ENG: variants seen among roughly 807,000 people sequenced by gnomAD.
The protein encoded by ENG is endoglin.
A neutral mutation model predicts 71.0 loss-of-function variants in ENG; 17 were observed. The observed-to-expected ratio is 0.24, with a 90% CI of 0.16 to 0.36. The LOEUF is 0.36. Ranked by LOEUF, ENG falls within the 10% of genes least tolerant of loss-of-function variation. The pLI, the probability that ENG is intolerant of heterozygous loss-of-function variation, is 1.00. For synonymous variants in ENG, 360 were observed against 366.9 expected (o/e 0.98, Z 0.21); for missense variants, 749 against 868.3 (o/e 0.86, Z 1.73).
intron 2 of ENG, 76 bp from the exon 3 acceptor site, chr9:127,829,903 G>C: frequency 3.1e-6 from 5 of 1,597,778 alleles, no homozygotes; most frequent in Non-Finnish European, 4.3e-6. Flanking sequence ...AGGCAGTGAT[G>C]ATTTGGATGC....
intron 2 of ENG, among the ~76,000 whole-genome samples, chr9:127,834,265 T>C (rs746946833): frequency 1.7e-4 from 25 of 150,548 alleles, no homozygotes; most frequent in African/African-American, 2.9e-4. Context: ...ATTTTTGAGA[T>C]GGAGTCTTGC....
Position 127,838,077 on chromosome 9 carries a change from C to T in ENG, c.219+5017G>A, listed in dbSNP as rs537037327. Among the ~76,000 whole-genome samples, 29 of 152,308 alleles carry T rather than the reference C, an allele frequency of 1.9e-4. No homozygotes were observed. The highest frequency in any genetic ancestry group is 3.3e-4 in the Admixed American group (5 of 15,306). ...GTGTCCACATGTGGACAGCTCAGCC[C>T]GGATACCCAAACTCCACCATGCCTG... On this transcript the variant is annotated intron_variant, in intron 2 of 14. Coordinates refer to ENST00000373203, the MANE Select transcript of ENG (RefSeq NM_001114753.3). The surrounding 1 kb of genome is among the most constrained non-coding windows in gnomAD (Gnocchi z 4.3).
At position 127,854,649 on chromosome 9, in the gene ENG, G is replaced by T. The variant is rs940148670; in HGVS notation, c.-294C>A. 1.0e-5 allele frequency: 5 copies of T among 489,874 alleles called. No homozygotes were observed. Among genetic ancestry groups the T allele is most frequent in the Non-Finnish European group, 1.8e-5 (5 of 278,474 alleles). The allele number at this position is 489,874 out of a possible 1,614,324, so 30.3% of individuals were successfully genotyped here. On this transcript the variant is annotated 5_prime_UTR_variant, in exon 1 of 15. Coordinates refer to ENST00000373203, the MANE Select transcript of ENG (RefSeq NM_001114753.3). Reference sequence around the variant, plus strand: ...TCCTGGCCCCAGGGCGCAGATGAAGGCTGTGGTATGACCGGCAGCAGGGAG... The same window carrying T: ...TCCTGGCCCCAGGGCGCAGATGAAGTCTGTGGTATGACCGGCAGCAGGGAG...
At chr9:127,839,621 A>T (rs1830980035) in intron 2 of ENG, among the ~76,000 whole-genome samples, 1 of 151,982 alleles carries the variant, frequency 6.6e-6, no homozygotes, top group African/African-American at 2.4e-5. Context: ...AGTGGTGCGA[A>T]CTCGGCTCAC....
At chr9:127,852,992 C>T (rs1829067281) in intron 1 of ENG, among the ~76,000 whole-genome samples, 1 of 152,082 alleles carries the variant, frequency 6.6e-6, no homozygotes, top group African/African-American at 2.4e-5. Flanking sequence ...CCGTCTTAGC[C>T]ATGTGAACTT....
chr9:127,825,654 C>T lies in ENG; in HGVS notation c.689+41G>A, dbSNP rs779556201. ...GGGGGGGGTCAGGGGGGTGGTCTCT[C>T]GGGGTGGGGACTAGTGTCAGGGGCG... On this transcript the variant is annotated intron_variant, in intron 5 of 14. Transcript: ENST00000373203. 1.9e-5 allele frequency: 22 copies of T among 1,161,970 alleles called. No individual in the cohort carries two copies. The East Asian group carries it at 2.2e-4, about 12-fold the overall frequency. 72.0% of individuals were successfully genotyped at this position (1,161,970 alleles called of 1,614,324 possible).
chr9:127,848,860 C>A (rs1448352462), intron 1 of ENG, among the ~76,000 whole-genome samples: 2 of 152,246 alleles, frequency 1.3e-5, no homozygotes, highest in Non-Finnish European at 2.9e-5. Flanking sequence ...TTCTAGATTT[C>A]TCTTCAAAGA....
rs972603389 is a variant in ENG at position 127,816,166 on chromosome 9, G to A, written c.1742-113C>T. 3.8e-6 allele frequency: 5 copies of A among 1,320,616 alleles called. No homozygotes were observed. In the African/African-American group the frequency reaches 4.4e-5, roughly 12 times the overall value. 81.8% of individuals were successfully genotyped at this position (1,320,616 alleles called of 1,614,324 possible). A position where few individuals can be genotyped will look rare whatever the true frequency, so the allele number is the denominator to read the frequency against. ...CAGCTCTGCTCAGCCATGGACCCTC[G>A]ACTTCTCTGAACCTCAGTCTCCTCT... is the stretch of plus-strand genomic sequence containing the variant. On this transcript the variant is annotated intron_variant, in intron 13 of 14. Transcript: ENST00000373203.
chr9:127,819,838 G>A, intron 9 of ENG, 62 bp downstream of exon 9: 2 of 1,613,730 alleles, frequency 1.2e-6, no homozygotes, highest in South Asian at 1.1e-5. Flanking sequence ...GGGGATCAGG[G>A]AGGGCACCTG....
chr9:127,831,541 C>T (rs1019996775), intron 2 of ENG, among the ~76,000 whole-genome samples: 2 of 151,964 alleles, frequency 1.3e-5, no homozygotes, highest in Non-Finnish European at 2.9e-5. Flanking sequence ...GCGCCCACTA[C>T]CATGCCTGGC....
intron 2 of ENG, among the ~76,000 whole-genome samples, chr9:127,839,180 GC>G (rs1175287972): frequency 4.6e-5 from 7 of 152,070 alleles, no homozygotes; most frequent in African/African-American, 9.7e-5. Context: ...ATCACCTGCG[GC>G]CCCCTGAAGC....
At chr9:127,849,630 CT>C (rs1831245250) in intron 1 of ENG, among the ~76,000 whole-genome samples, 1 of 152,184 alleles carries the variant, frequency 6.6e-6, no homozygotes, top group Admixed American at 6.5e-5. Context: ...GATGGGGCTG[CT>C]GAAGGTAAAG....
At chr9:127,825,392 CG>C (rs764206593) in intron 5 of ENG, 35 bp from the exon 6 acceptor site, 1 of 1,605,674 alleles carries the variant, frequency 6.2e-7, no homozygotes, top group East Asian at 2.2e-5. Context: ...AACACTGAAG[CG>C]GACAGGCCAG....
intron 12 of ENG, 22 bp from the exon 13 acceptor site, chr9:127,817,225 G>A (rs1039535403): frequency 1.9e-6 from 3 of 1,613,926 alleles, no homozygotes; most frequent in African/African-American, 2.7e-5. Flanking sequence ...AGAGAGAGCA[G>A]TATGTGGCAC....
intron 3 of ENG, among the ~76,000 whole-genome samples, chr9:127,828,523 G>A (rs1382165563): frequency 6.6e-6 from 1 of 152,304 alleles, no homozygotes; most frequent in East Asian, 1.9e-4. Context: ...TCCGGCTGGC[G>A]GGCGCGTTTC....
chr9:127,826,160 A>C (rs975817719), intron 4 of ENG, among the ~76,000 whole-genome samples: 2 of 152,238 alleles, frequency 1.3e-5, no homozygotes, highest in African/African-American at 4.8e-5. Context: ...GTACATGTAC[A>C]TGTTTATTGT....
intron 2 of ENG, among the ~76,000 whole-genome samples, chr9:127,837,081 C>G (rs1830918995): frequency 1.3e-5 from 2 of 152,186 alleles, no homozygotes; most frequent in South Asian, 4.1e-4. Flanking sequence ...AGACACCACG[C>G]CTGGCCTGGT....
rs1564462692 is a variant in ENG at position 127,843,081 on chromosome 9, A to T, written c.219+13T>A. 6.2e-7 allele frequency: 1 copy of T among 1,613,828 alleles called. No individual in the cohort carries two copies. Among genetic ancestry groups the T allele is most frequent in the Admixed American group, 1.7e-5 (1 of 60,010 alleles). The stretch of plus-strand genomic sequence containing the variant: ...CTCTGAGCCCCCACCCGACCCTGCC[A>T]TGGGACACTCACCGTTGGGAACTCC... On this transcript the variant is annotated intron_variant, in intron 2 of 14. Transcript: ENST00000373203.
chr9:127,824,354 TTGTC>T lies in ENG; in HGVS notation c.1080_1083del (p.Thr361SerfsTer7), dbSNP rs863223540. 6.2e-7 allele frequency: 1 copy of T among 1,613,706 alleles called. No homozygotes were observed. The highest frequency in any genetic ancestry group is 1.7e-4 in the Middle Eastern group (1 of 6,060). ...AGGGTCATGGCGTCGTCGGCACACT[TTGTC>T]TGGATCAAGGACATGAGCAGCTCCG... On this transcript the variant is annotated frameshift_variant, in exon 8 of 15. Coordinates refer to ENST00000373203, the MANE Select transcript of ENG (RefSeq NM_001114753.3). LOFTEE classifies it high-confidence loss of function.
Sources: allele counts gnomAD v4.1 joint callset (sites outside exome capture counted in the v4.1 genomes callset), GRCh38; gene constraint gnomAD v4.1.1; non-coding constraint Gnocchi (gnomAD v3.1); transcripts MANE v1.5; gene names NCBI Gene and HGNC (gene_info 2026-07-23, HGNC 2026-07-21).